The following CCNB3 variants were observed in gnomAD, a reference collection of about 807,000 sequenced individuals.
CCNB3 encodes the protein cyclin B3, also known as G2/mitotic-specific cyclin-B3.
In CCNB3, 12 loss-of-function variants were observed where a neutral mutation model predicts 68.0. That is an observed-to-expected ratio of 0.18 (90% confidence interval 0.11 to 0.29). CCNB3 has a LOEUF of 0.29. Ranked by LOEUF, CCNB3 falls within the 10% of genes least tolerant of loss-of-function variation. The pLI is 1.00. For missense variants in CCNB3, 904 were observed against 993.1 expected (o/e 0.91, Z 1.21); for synonymous variants, 354 against 388.9 (o/e 0.91, Z 1.06).
At chrX:50,279,228 A>G (rs1471681843) in intron 1 of CCNB3, among the ~76,000 whole-genome samples, 71 of 62,016 alleles carry the variant, frequency 1.1e-3, no homozygotes, top group African/African-American at 5.7e-3. Flanking sequence ...ATTCATATAT[A>G]AATATATATG....
intron 8 of CCNB3, among the ~76,000 whole-genome samples, chrX:50,317,905 T>C (rs1290929956): frequency 9.0e-6 from 1 of 111,465 alleles, no homozygotes; most frequent in Non-Finnish European, 1.9e-5. Context: ...TTTATAGTTT[T>C]ACATGTTACA....
Position 50,309,021 on chromosome X carries a change from A to T in CCNB3, c.852A>T (p.Ser284=). 1 of 1,211,245 alleles carries T rather than the reference A, an allele frequency of 8.3e-7. No homozygotes were observed. Among genetic ancestry groups the T allele is most frequent in the South Asian group, 1.8e-5 (1 of 56,912 alleles). ...TEESIPTHKL[S]SLKKKCTIYG... is the part of the protein sequence containing the mutation. The stretch of plus-strand genomic sequence containing the variant: ...AGTCAATCCCCACCCATAAGTTATC[A>T]TCTTTAAAGAAGAAATGTACCATTT... The change falls in exon 6 of 13, where the codon TCA becomes TCT. Residue 284 remains serine, a synonymous_variant. Coordinates refer to ENST00000376042, the MANE Select transcript of CCNB3 (RefSeq NM_033031.3).
intron 1 of CCNB3, among the ~76,000 whole-genome samples, chrX:50,224,866 A>G (rs1412909601): frequency 2.7e-5 from 3 of 111,746 alleles, no homozygotes; most frequent in Non-Finnish European, 5.6e-5. Context: ...TAGCTGTGTG[A>G]TCTTGGGAAA....
At chrX:50,228,282 AATAT>A (rs1326735440) in intron 1 of CCNB3, among the ~76,000 whole-genome samples, 1 of 93,792 alleles carries the variant, frequency 1.1e-5, no homozygotes, top group Non-Finnish European at 2.1e-5. Flanking sequence ...ACATATGTAG[AATAT>A]ATATAAATAC....
At chrX:50,209,685 G>A in intron 1 of CCNB3, among the ~76,000 whole-genome samples, 1 of 111,815 alleles carries the variant, frequency 8.9e-6, no homozygotes. Context: ...ATAGGCACTG[G>A]GTTGTACAGC....
chrX:50,221,758 T>C (rs1667195481), intron 1 of CCNB3, among the ~76,000 whole-genome samples: 1 of 111,590 alleles, frequency 9.0e-6, no homozygotes, highest in Admixed American at 9.5e-5. Context: ...TGATTTGGGG[T>C]AGAGAGTTCT....
intron 1 of CCNB3, among the ~76,000 whole-genome samples, chrX:50,283,534 C>T (rs1444505065): frequency 9.0e-6 from 1 of 111,579 alleles, no homozygotes; most frequent in African/African-American, 3.3e-5. Context: ...CCATCCAAAG[C>T]GAAACCCAAA....
intron 5 of CCNB3, among the ~76,000 whole-genome samples, chrX:50,297,314 A>T (rs1477450117): frequency 2.6e-4 from 29 of 111,273 alleles, no homozygotes; most frequent in Admixed American, 9.6e-4. Context: ...GTATAAGGTG[A>T]AAGGAAGGGA....
At chrX:50,298,272 CA>C (rs1333323809) in intron 5 of CCNB3, among the ~76,000 whole-genome samples, 1 of 111,559 alleles carries the variant, frequency 9.0e-6, no homozygotes, top group African/African-American at 3.3e-5. Flanking sequence ...GTGGGTTTGT[CA>C]CAGATATCTC....
chrX:50,336,767 C>T (rs782330179), intron 8 of CCNB3, among the ~76,000 whole-genome samples: 1 of 111,319 alleles, frequency 9.0e-6, no homozygotes, highest in East Asian at 2.9e-4. Flanking sequence ...GTTCAGGTCC[C>T]ACTGGTGGCC....
chrX:50,286,905 C>T (rs937608206), intron 3 of CCNB3, among the ~76,000 whole-genome samples: 12 of 112,618 alleles, frequency 1.1e-4, no homozygotes, highest in Admixed American at 5.6e-4. Context: ...GCCTCAGCCT[C>T]CCAAAGTGCT....
intron 11 of CCNB3, among the ~76,000 whole-genome samples, chrX:50,348,925 G>C (rs1557220764): frequency 8.9e-6 from 1 of 112,701 alleles, no homozygotes; most frequent in East Asian, 2.8e-4. Context: ...TGGGCCGTGA[G>C]GGGGACAGCT....
intron 1 of CCNB3, among the ~76,000 whole-genome samples, chrX:50,283,992 A>G (rs1936190581): frequency 9.3e-6 from 1 of 108,054 alleles, no homozygotes; most frequent in African/African-American, 3.4e-5. Flanking sequence ...TTTTAGTTGT[A>G]TTTTTCCAGG....
chrX:50,220,636 G>T (rs1437603646), intron 1 of CCNB3, among the ~76,000 whole-genome samples: 3 of 111,774 alleles, frequency 2.7e-5, no homozygotes, highest in African/African-American at 9.8e-5. Context: ...CTTGATCGTG[G>T]TGGATAAGCT....
chrX:50,327,079 A>G (rs1557217401), intron 8 of CCNB3, among the ~76,000 whole-genome samples: 1 of 112,185 alleles, frequency 8.9e-6, no homozygotes, highest in Non-Finnish European at 1.9e-5. Flanking sequence ...ACTTGTGAGG[A>G]AAGGAGAGAA....
intron 8 of CCNB3, among the ~76,000 whole-genome samples, chrX:50,336,859 C>T (rs781860577): frequency 8.1e-5 from 9 of 111,075 alleles, no homozygotes; most frequent in Non-Finnish European, 1.1e-4. Flanking sequence ...ACTTAGTTGC[C>T]GCCTGGAGCA....
At chrX:50,343,854 G>T in intron 9 of CCNB3, among the ~76,000 whole-genome samples, 1 of 112,268 alleles carries the variant, frequency 8.9e-6, no homozygotes, top group Non-Finnish European at 1.9e-5. Context: ...GTAAGCTAAG[G>T]TTAATTTATT....
At chrX:50,217,463 G>C (rs976192791) in intron 1 of CCNB3, among the ~76,000 whole-genome samples, 15 of 108,745 alleles carry the variant, frequency 1.4e-4, no homozygotes, top group African/African-American at 5.0e-4. Flanking sequence ...TAGTAGAGAC[G>C]GGGTTTCACC....
intron 8 of CCNB3, among the ~76,000 whole-genome samples, chrX:50,315,824 T>A (rs1921698779): frequency 8.9e-6 from 1 of 111,831 alleles, no homozygotes; most frequent in Non-Finnish European, 1.9e-5. Flanking sequence ...TCTATAATTT[T>A]GTCATTTCAT....
Sources: gnomAD v4.1 joint callset for allele counts (sites outside exome capture counted in the v4.1 genomes callset) on GRCh38, gnomAD v4.1.1 for gene constraint, MANE v1.5 for transcripts, NCBI Gene and HGNC (gene_info 2026-07-23, HGNC 2026-07-21) for gene names.